PPM1H: variants seen among roughly 807,000 people sequenced by gnomAD.
PPM1H encodes protein phosphatase, Mg2+/Mn2+ dependent 1H, also known as protein phosphatase 1H.
PPM1H carries 27 observed loss-of-function variants against 54.9 expected under a neutral mutation model. That is an observed-to-expected ratio of 0.49 (90% confidence interval 0.36 to 0.68). The LOEUF (loss-of-function observed/expected upper bound fraction) is 0.68. Among genes scored for constraint, PPM1H ranks in the 30% least tolerant of loss-of-function variants. The pLI is 0.00. For synonymous variants in PPM1H, 305 were observed against 270.8 expected (o/e 1.13, Z -1.24); for missense variants, 596 against 667.8 (o/e 0.89, Z 1.19).
chr12:62,804,418 T>C (rs1233003857), intron 2 of PPM1H, among the ~76,000 whole-genome samples: 4 of 152,164 alleles, frequency 2.6e-5, no homozygotes, highest in African/African-American at 7.2e-5. Context: ...TTGAGCATGA[T>C]GTACCTTAGT....
intron 4 of PPM1H, among the ~76,000 whole-genome samples, chr12:62,780,781 C>A (rs1019677487): frequency 6.6e-6 from 1 of 152,180 alleles, no homozygotes; most frequent in Non-Finnish European, 1.5e-5. Flanking sequence ...GGAAATCTAT[C>A]CTGGTGTGGG....
chr12:62,702,429 C>A (rs1453184329), intron 6 of PPM1H, among the ~76,000 whole-genome samples: 2 of 151,970 alleles, frequency 1.3e-5, no homozygotes. Flanking sequence ...CAGGAAGAGC[C>A]CCTACTCTGA....
chr12:62,719,496 T>TATC (rs76777345), intron 6 of PPM1H, among the ~76,000 whole-genome samples: 30,250 of 151,988 alleles, frequency 0.2, 3,152 homozygotes, highest in East Asian at 0.31. Context: ...TATAAGTACT[T>TATC]ATCATATCTA....
intron 2 of PPM1H, among the ~76,000 whole-genome samples, chr12:62,817,322 C>T (rs1350589343): frequency 6.6e-6 from 1 of 151,192 alleles, no homozygotes; most frequent in South Asian, 2.1e-4. Flanking sequence ...ATTAGCCGGG[C>T]GTGGTGGCGG....
At chr12:62,862,350 A>G (rs1010916987) in intron 1 of PPM1H, among the ~76,000 whole-genome samples, 1 of 152,196 alleles carries the variant, frequency 6.6e-6, no homozygotes, top group African/African-American at 2.4e-5. Flanking sequence ...GCATGAAAAA[A>G]CAGATATAAG....
chr12:62,889,683 A>G (rs1870715753), intron 1 of PPM1H, among the ~76,000 whole-genome samples: 1 of 152,170 alleles, frequency 6.6e-6, no homozygotes, highest in South Asian at 2.1e-4. Context: ...AGCACAGATA[A>G]TCTTTTCAAC....
intron 1 of PPM1H, among the ~76,000 whole-genome samples, chr12:62,865,325 C>T (rs567397087): frequency 2.0e-5 from 3 of 152,284 alleles, no homozygotes; most frequent in South Asian, 2.1e-4. Flanking sequence ...CATCCAGAGA[C>T]ACATTTATTC....
In PPM1H at chr12:62,809,794, A is replaced by G. The variant is rs912795466; in HGVS notation, c.412-7634T>C. 3.9e-5 allele frequency among the ~76,000 whole-genome samples: 6 copies of G among 152,292 alleles called. No individual in the cohort carries two copies. In the South Asian group the frequency reaches 1.2e-3, roughly 32 times the overall value. ...CTAGTTACTATTCACTCTTCAGCAC[A>G]TCTCTTGCTTCCTTCAGTGGTCCTG... On this transcript the variant is annotated intron_variant, in intron 2 of 9. Coordinates refer to ENST00000228705, the MANE Select transcript of PPM1H (RefSeq NM_020700.2).
chr12:62,808,313 G>A (rs922265735), intron 2 of PPM1H, among the ~76,000 whole-genome samples: 1 of 152,144 alleles, frequency 6.6e-6, no homozygotes, highest in Non-Finnish European at 1.5e-5. Context: ...CTATTAAGTT[G>A]TGCAGCAGGG....
At chr12:62,689,947 A>T in intron 7 of PPM1H, 141 bp from the exon 8 acceptor site, 1 of 558,536 alleles carries the variant, frequency 1.8e-6, no homozygotes, top group East Asian at 2.9e-5. Context: ...CTTGCTGCTA[A>T]CATACGTGGA....
At position 62,858,517 on chromosome 12, in the gene PPM1H, C is replaced by T. The variant is rs74097041; in HGVS notation, c.246-26238G>A. 4.0e-3 allele frequency among the ~76,000 whole-genome samples: 603 copies of T among 152,234 alleles called. 4 individuals are homozygous for T. Among genetic ancestry groups the T allele is most frequent in the African/African-American group, 0.014 (579 of 41,546 alleles). On this transcript the variant is annotated intron_variant, in intron 1 of 9. Transcript: ENST00000228705. ...TTCCTAAAAGTTTGCTTTTCAGAAA[C>T]CACTTGCAAGCATGCAATCTGTCTC...
At chr12:62,922,430 AACT>A (rs1358457193) in intron 1 of PPM1H, among the ~76,000 whole-genome samples, 2 of 152,062 alleles carry the variant, frequency 1.3e-5, no homozygotes, top group East Asian at 3.8e-4. Flanking sequence ...ATTCTAAAGT[AACT>A]TGATTTCTCT....
intron 1 of PPM1H, among the ~76,000 whole-genome samples, chr12:62,906,414 C>A (rs1412838629): frequency 6.6e-6 from 1 of 152,188 alleles, no homozygotes; most frequent in Non-Finnish European, 1.5e-5. Flanking sequence ...AAAGAATCAA[C>A]ATTGCAGTTT....
intron 1 of PPM1H, among the ~76,000 whole-genome samples, chr12:62,915,963 G>A (rs1391872063): frequency 6.6e-5 from 10 of 152,156 alleles, no homozygotes; most frequent in South Asian, 2.1e-4. Flanking sequence ...TCCAGGGTTC[G>A]AACAGTCAGT....
chr12:62,903,745 G>A (rs1054243161), intron 1 of PPM1H, among the ~76,000 whole-genome samples: 1 of 152,184 alleles, frequency 6.6e-6, no homozygotes, highest in East Asian at 1.9e-4. Context: ...GGAGTGGGGT[G>A]GGGGTCTAAA....
At chr12:62,666,800 A>G (rs1592532021) in intron 9 of PPM1H, among the ~76,000 whole-genome samples, 1 of 151,880 alleles carries the variant, frequency 6.6e-6, no homozygotes, top group Non-Finnish European at 1.5e-5. Context: ...TGCAACCTCT[A>G]CCTCCCAGGT....
At chr12:62,812,475 A>T (rs1031284366) in intron 2 of PPM1H, among the ~76,000 whole-genome samples, 9 of 152,170 alleles carry the variant, frequency 5.9e-5, no homozygotes, top group Admixed American at 5.9e-4. Flanking sequence ...GGCAGAAATC[A>T]CTTCTGACTC....
intron 4 of PPM1H, among the ~76,000 whole-genome samples, chr12:62,749,233 T>C (rs547026162): frequency 1.3e-5 from 2 of 152,206 alleles, no homozygotes; most frequent in East Asian, 3.9e-4. Flanking sequence ...CTGTTAAGAG[T>C]ATTCATGGGA....
chr12:62,826,458 A>T (rs1868292465), intron 2 of PPM1H, among the ~76,000 whole-genome samples: 1 of 152,156 alleles, frequency 6.6e-6, no homozygotes, highest in African/African-American at 2.4e-5. Context: ...CAAAAAAAGA[A>T]GTCATCTCGT....
Sources: gnomAD v4.1 joint callset for allele counts (sites outside exome capture counted in the v4.1 genomes callset) on GRCh38, gnomAD v4.1.1 for gene constraint, MANE v1.5 for transcripts, NCBI Gene and HGNC (gene_info 2026-07-23, HGNC 2026-07-21) for gene names.